Variants in SAMD12 observed in about 807,000 individuals in gnomAD.
The protein encoded by SAMD12 is sterile alpha motif domain containing 12.
Under a neutral mutation model 15.0 loss-of-function variants are expected in SAMD12, and 9 were observed. The observed-to-expected ratio is 0.60, with a 90% confidence interval of 0.36 to 1.05. SAMD12 has a LOEUF of 1.05. Among genes scored for constraint, SAMD12 ranks in the 50% least tolerant of loss-of-function variants. The pLI is 0.01. For missense variants in SAMD12, 230 were observed against 234.2 expected (o/e 0.98, Z 0.12); for synonymous variants, 86 against 90.1 (o/e 0.96, Z 0.25).
the SAMD12 span, among the ~76,000 whole-genome samples, chr8:118,173,015 G>C: frequency 3.3e-5 from 5 of 152,122 alleles, no homozygotes; most frequent in South Asian, 1.0e-3. Flanking sequence ...TTGATGACTG[G>C]CTTATTTCAC....
chr8:118,528,519 T>C (rs547331607), intron 2 of SAMD12, among the ~76,000 whole-genome samples: 4 of 152,376 alleles, frequency 2.6e-5, no homozygotes, highest in South Asian at 2.1e-4. Flanking sequence ...AATTAGGTTA[T>C]GCAAACTTTC....
intron 3 of SAMD12, among the ~76,000 whole-genome samples, chr8:118,420,762 G>A (rs1821959889): frequency 6.6e-6 from 1 of 152,014 alleles, no homozygotes; most frequent in Non-Finnish European, 1.5e-5. Flanking sequence ...AAAAAAAGTA[G>A]CACATTTTTA....
At chr8:118,138,548 TG>T in the SAMD12 span, among the ~76,000 whole-genome samples, 1 of 152,210 alleles carries the variant, frequency 6.6e-6, no homozygotes, top group Non-Finnish European at 1.5e-5. Flanking sequence ...ACACTGAATA[TG>T]TTGGAGCCTT....
the SAMD12 span, among the ~76,000 whole-genome samples, chr8:118,153,624 G>T: frequency 1.3e-3 from 195 of 152,174 alleles, 2 homozygotes; most frequent in African/African-American, 4.4e-3. Context: ...TCTTTGCGTT[G>T]GCTGTCTTAA....
chr8:118,522,211 C>T (rs1419419189), intron 2 of SAMD12, among the ~76,000 whole-genome samples: 1 of 55,984 alleles, frequency 1.8e-5, no homozygotes, highest in Non-Finnish European at 4.4e-5. Context: ...CACACACACA[C>T]ACACGATAAA....
At chr8:118,147,823 C>T in the SAMD12 span, among the ~76,000 whole-genome samples, 3 of 152,092 alleles carry the variant, frequency 2.0e-5, no homozygotes, top group Non-Finnish European at 2.9e-5. Context: ...GCAATAAGCT[C>T]ACTGTAACCT....
chr8:118,226,380 T>C (rs1478781745), intron 4 of SAMD12, among the ~76,000 whole-genome samples: 4 of 152,176 alleles, frequency 2.6e-5, no homozygotes, highest in Non-Finnish European at 4.4e-5. Flanking sequence ...TAGCAGAACA[T>C]GGATAAGTAA....
intron 4 of SAMD12, among the ~76,000 whole-genome samples, chr8:118,309,181 T>A (rs1216136745): frequency 6.6e-6 from 1 of 152,180 alleles, no homozygotes; most frequent in Non-Finnish European, 1.5e-5. Flanking sequence ...GTCCATTGTA[T>A]TATTCTTCTG....
At chr8:118,290,935 A>G (rs1814325606) in intron 4 of SAMD12, among the ~76,000 whole-genome samples, 1 of 152,206 alleles carries the variant, frequency 6.6e-6, no homozygotes, top group African/African-American at 2.4e-5. Context: ...TCTTACAGAG[A>G]GAACATATAC....
At chr8:118,152,779 G>A in the SAMD12 span, among the ~76,000 whole-genome samples, 16 of 152,278 alleles carry the variant, frequency 1.1e-4, no homozygotes, top group Non-Finnish European at 1.8e-4. Context: ...GATTACAAGC[G>A]TGAGCCACTG....
At chr8:118,176,807 T>TA in the SAMD12 span, among the ~76,000 whole-genome samples, 152 of 151,148 alleles carry the variant, frequency 1.0e-3, no homozygotes, top group Admixed American at 2.1e-3. Context: ...AACCTAAAAT[T>TA]AAAAAAAAAC....
At chr8:118,578,646 A>C (rs1827208964) in intron 2 of SAMD12, among the ~76,000 whole-genome samples, 1 of 152,180 alleles carries the variant, frequency 6.6e-6, no homozygotes, top group Non-Finnish European at 1.5e-5. Context: ...AAACAAGTTC[A>C]TGTTGTCTAA....
At chr8:118,413,145 C>T (rs1366173367) in intron 3 of SAMD12, among the ~76,000 whole-genome samples, 4 of 63,914 alleles carry the variant, frequency 6.3e-5, no homozygotes, top group South Asian at 3.6e-4. Context: ...AGACAAGTGA[C>T]GGAGCCCAGC....
At chr8:118,287,496 A>C (rs1814115664) in intron 4 of SAMD12, among the ~76,000 whole-genome samples, 1 of 152,226 alleles carries the variant, frequency 6.6e-6, no homozygotes, top group Admixed American at 6.5e-5. Flanking sequence ...GGGCGAGTAA[A>C]GGAAAATCTT....
At chr8:118,514,640 A>C (rs931440439) in intron 2 of SAMD12, among the ~76,000 whole-genome samples, 1 of 152,234 alleles carries the variant, frequency 6.6e-6, no homozygotes, top group African/African-American at 2.4e-5. Flanking sequence ...TAGTCAACAT[A>C]AAATAATTAA....
intron 4 of SAMD12, among the ~76,000 whole-genome samples, chr8:118,367,469 T>G (rs1818860408): frequency 6.6e-6 from 1 of 152,240 alleles, no homozygotes; most frequent in Non-Finnish European, 1.5e-5. Flanking sequence ...CTTTCTTCAA[T>G]GTAACATTAG....
chr8:118,621,145 G>C (rs1828392833), intron 1 of SAMD12: 1 of 152,428 alleles, frequency 6.6e-6, no homozygotes, highest in Admixed American at 6.5e-5. Flanking sequence ...ACTGTAAGAA[G>C]AAAGTGATCT....
Position 118,459,741 on chromosome 8 carries a change from G to C in SAMD12, c.193-19780C>G, listed in dbSNP as rs542098069. Among the ~76,000 whole-genome samples, 4 of 152,266 alleles carry C rather than the reference G, an allele frequency of 2.6e-5. No homozygotes were observed. The East Asian group carries it at 7.7e-4, about 29-fold the overall frequency. On this transcript the variant is annotated intron_variant, in intron 2 of 3. Transcript: ENST00000314727. ...TTTATTATCAGGCAGAAGACAAATG[G>C]TTAGGTACCGTTCTCTGTAGAATAA...
At chr8:118,260,808 C>A (rs1813060033) in intron 4 of SAMD12, among the ~76,000 whole-genome samples, 2 of 152,102 alleles carry the variant, frequency 1.3e-5, no homozygotes, top group Non-Finnish European at 2.9e-5. Context: ...ACACCCCTTC[C>A]CTTTGTTCAG....
Sources: allele counts gnomAD v4.1 joint callset (sites outside exome capture counted in the v4.1 genomes callset), GRCh38; gene constraint gnomAD v4.1.1; transcripts MANE v1.5; gene names NCBI Gene and HGNC (gene_info 2026-07-23, HGNC 2026-07-21).